The following BSCL2 variants were observed in gnomAD, a reference collection of about 807,000 sequenced individuals.
The protein encoded by BSCL2 is BSCL2 lipid droplet biogenesis associated, seipin.
A neutral mutation model predicts 57.4 loss-of-function variants in BSCL2; 41 were observed. The ratio of observed to expected loss-of-function variants is 0.71; its 90% confidence interval spans 0.56 to 0.93. BSCL2 has a LOEUF of 0.93. Ranked by LOEUF, BSCL2 falls within the 40% of genes least tolerant of loss-of-function variation. BSCL2 has a pLI of 0.00. For synonymous variants in BSCL2, 237 were observed against 227.3 expected, an observed-to-expected ratio of 1.04 and a Z score of -0.38; for missense variants, 539 against 586.7, an observed-to-expected ratio of 0.92 and a Z score of 0.84.
intron 8 of BSCL2, 102 bp downstream of exon 8, chr11:62,690,973 C>A: frequency 1.3e-6 from 2 of 1,577,302 alleles, no homozygotes; most frequent in South Asian, 1.1e-5. Flanking sequence ...TTGTCTCAGT[C>A]GGTGATACCC....
intron 3 of BSCL2, among the ~76,000 whole-genome samples, chr11:62,701,968 G>A (rs1213478574): frequency 6.6e-6 from 1 of 152,078 alleles, no homozygotes. Flanking sequence ...GTAAGTCAGG[G>A]ACTATGTTGA....
chr11:62,707,760 C>T (rs1213818343), upstream of BSCL2: 1 of 277,958 alleles, frequency 3.6e-6, no homozygotes, highest in Non-Finnish European at 7.0e-6. Flanking sequence ...CTGGCCTGGC[C>T]CTCCCCAGGG....
chr11:62,705,851 G>C, intron 1 of BSCL2: 2 of 534,526 alleles, frequency 3.7e-6, no homozygotes, highest in South Asian at 5.9e-5. Context: ...TCCTTCTCCA[G>C]TCATTTGATG....
chr11:62,699,820 A>G (rs1945587698), intron 3 of BSCL2, among the ~76,000 whole-genome samples: 1 of 151,492 alleles, frequency 6.6e-6, no homozygotes, highest in South Asian at 2.1e-4. Context: ...CTGGGACTAT[A>G]GGTTTGTGCC....
At chr11:62,708,575 G>T (rs1309549875), upstream of BSCL2, 7 of 1,513,488 alleles carry the variant, frequency 4.6e-6, no homozygotes, top group Middle Eastern at 2.1e-4. Context: ...AAGACAAGTC[G>T]TAAGGAGCCC....
chr11:62,707,720 G>A (rs150524831), upstream of BSCL2: 4,250 of 325,964 alleles, frequency 0.013, 52 homozygotes, highest in South Asian at 0.035. Flanking sequence ...TCCAGACAGT[G>A]CTTGAGCTGC....
In BSCL2 at chr11:62,705,458, C is replaced by T. The variant is rs770641122; in HGVS notation, c.247G>A (p.Val83Ile). 13 of 1,614,216 alleles carry T rather than the reference C, an allele frequency of 8.1e-6. No homozygotes were observed. The highest frequency in any genetic ancestry group is 1.1e-5 in the Non-Finnish European group (13 of 1,180,048). Residue 83 changes from valine to isoleucine, a missense_variant, in exon 2 of 11, where the codon GTC (valine) becomes ATC (isoleucine). Coordinates refer to ENST00000360796, the MANE Select transcript of BSCL2 (RefSeq NM_001122955.4). ...AGCCTGCGGGCACGGCCTGCCAAGA[C>T]TTGGCCCACCTCCTGGGCCCACAGT... Reference protein sequence around the residue: ...ALLWAQEVGQVLAGRARRLLL... With the variant: ...ALLWAQEVGQILAGRARRLLL...
intron 3 of BSCL2, among the ~76,000 whole-genome samples, chr11:62,699,578 T>C (rs545837772): frequency 4.6e-5 from 7 of 151,824 alleles, no homozygotes; most frequent in Admixed American, 2.6e-4. Context: ...TGGTGGCTCA[T>C]ACCTGTAATC....
At chr11:62,701,807 G>A (rs1945648201) in intron 3 of BSCL2, among the ~76,000 whole-genome samples, 1 of 149,784 alleles carries the variant, frequency 6.7e-6, no homozygotes. Context: ...AATCCAGCCT[G>A]GCGACAGAGT....
At chr11:62,709,522 G>A (rs1315006541), upstream of BSCL2, 1 of 452,462 alleles carries the variant, frequency 2.2e-6, no homozygotes, top group Non-Finnish European at 4.4e-6. Context: ...AGGAGGGTAG[G>A]GGCGGAGCTT....
Position 62,702,555 on chromosome 11 carries a change from T to C in BSCL2, c.405-6A>G, listed in dbSNP as rs755125013. The C allele has an allele frequency of 6.2e-7, 1 of 1,608,814 alleles. No homozygotes were observed. Among genetic ancestry groups the C allele is most frequent in the East Asian group, 2.2e-5 (1 of 44,712 alleles). On this transcript the variant is annotated splice_region_variant and splice_polypyrimidine_tract_variant and intron_variant, in intron 2 of 10. Coordinates refer to ENST00000360796, the MANE Select transcript of BSCL2 (RefSeq NM_001122955.4). ...TGGAGGAATCACAGTCGGTCCTAAA[T>C]GAGATTGGAGGAGGATACTCTGCTA...
chr11:62,692,690 T>C lies in BSCL2; in HGVS notation c.738A>G (p.Glu246=). 3.1e-6 allele frequency: 5 copies of C among 1,614,082 alleles called. No homozygotes were observed. The highest frequency in any genetic ancestry group is 2.2e-5 in the South Asian group (2 of 91,080). Residue 246 remains glutamate, a synonymous_variant, in exon 5 of 11, where the codon GAA becomes GAG. Transcript: ENST00000360796. ...FAEQKQLLEV[E]LYADYRENSY... ...AGTTCTCTCTATAGTCTGCGTAGAGTTCCACCTCCAGCAGCTGCTTCTGCT... is the reference window on the plus strand; with the variant it reads ...AGTTCTCTCTATAGTCTGCGTAGAGCTCCACCTCCAGCAGCTGCTTCTGCT...
chr11:62,692,872 C>T (rs1195978525), intron 4 of BSCL2, 75 bp from the exon 5 acceptor site: 1 of 1,593,778 alleles, frequency 6.3e-7, no homozygotes, highest in East Asian at 2.2e-5. Flanking sequence ...CCCTCAACCA[C>T]CCCTGAGTAG....
chr11:62,696,278 T>TTTTGTGTGTGTGTGTG (rs1554984017), intron 3 of BSCL2, among the ~76,000 whole-genome samples: 48 of 136,324 alleles, frequency 3.5e-4, no homozygotes, highest in Middle Eastern at 3.7e-3. Context: ...CATAAACTTT[T>TTTTGTGTGTGTGTGTG]TGTGTGTGTG....
At chr11:62,708,841 C>T, upstream of BSCL2, 3 of 1,533,794 alleles carry the variant, frequency 2.0e-6, no homozygotes. Context: ...CCTCCCTTTT[C>T]CCTCTCCTGG....
upstream of BSCL2, chr11:62,708,965 C>A: frequency 1.5e-6 from 1 of 665,070 alleles, no homozygotes; most frequent in Non-Finnish European, 2.7e-6. Flanking sequence ...CCTCACCTAT[C>A]TGTCGACCCC....
rs1423281883 is a variant in BSCL2, at chr11:62,690,825, G to C, written c.1115C>G (p.Thr372Arg). 3.1e-6 allele frequency: 5 copies of C among 1,613,622 alleles called. No individual in the cohort carries two copies. In the South Asian group the frequency reaches 4.4e-5, roughly 14 times the overall value. ...ATCTTCAGGGCTCTCACCATCCTCT[G>C]TAACATCTGATTGCGGAGTTGACTC... ...QEESTPQSDV[T>R]EDGESPEDPS... The change falls in exon 9 of 11, where the codon ACA (threonine) becomes AGA (arginine). Residue 372 changes from threonine to arginine, a missense_variant. Physicochemically the swap from Thr to Arg is moderately conservative, Grantham distance 71. Transcript: ENST00000360796.
intron 3 of BSCL2, among the ~76,000 whole-genome samples, chr11:62,698,946 G>A (rs1296348995): frequency 4.0e-5 from 6 of 151,666 alleles, no homozygotes; most frequent in Admixed American, 2.0e-4. Context: ...TTGCTCTGTC[G>A]CCAGGCTGGA....
chr11:62,706,646 CGAGT>C (rs765781728), intron 1 of BSCL2: 5 of 474,242 alleles, frequency 1.1e-5, no homozygotes, highest in African/African-American at 9.9e-5. Context: ...GCGAAGCGGC[CGAGT>C]GAGGCGGTCA....
Sources: gnomAD v4.1 joint callset for allele counts (sites outside exome capture counted in the v4.1 genomes callset) on GRCh38, gnomAD v4.1.1 for gene constraint, MANE v1.5 for transcripts, NCBI Gene and HGNC (gene_info 2026-07-23, HGNC 2026-07-21) for gene names.